Variants in UNC13C observed in about 807,000 individuals in gnomAD.
UNC13C encodes the protein unc-13 homolog C, also known as protein unc-13 homolog C.
A neutral mutation model predicts 245.4 loss-of-function variants in UNC13C; 174 were observed. That is an observed-to-expected ratio of 0.71 (90% CI 0.63 to 0.80). The LOEUF is 0.80. UNC13C is among the 30% of genes least tolerant of loss of function. UNC13C has a pLI of 0.00. For missense variants in UNC13C, 2,829 were observed against 2,602.9 expected (o/e 1.09, Z -1.89); for synonymous variants, 992 against 895.1 (o/e 1.11, Z -1.93).
chr15:54,070,726 A>C (rs930448105), intron 2 of UNC13C, among the ~76,000 whole-genome samples: 5 of 152,162 alleles, frequency 3.3e-5, no homozygotes, highest in Non-Finnish European at 5.9e-5. Context: ...CCCGGAAGCT[A>C]CAGTTTCTCG....
chr15:53,873,040 G>A, the UNC13C span, among the ~76,000 whole-genome samples: 1 of 152,100 alleles, frequency 6.6e-6, no homozygotes, highest in African/African-American at 2.4e-5. Flanking sequence ...AGAGCTTCAG[G>A]ATGGGAAGAT....
rs1895437846 is a variant in UNC13C at position 54,012,780 on chromosome 15, C to G, written c.-124C>G. 1.3e-6 allele frequency: 1 copy of G among 752,222 alleles called. No homozygotes were observed. The highest frequency in any genetic ancestry group is 2.2e-6 in the Non-Finnish European group (1 of 459,166). 46.6% of individuals were successfully genotyped at this position (752,222 alleles called of 1,614,324 possible). On this transcript the variant is annotated 5_prime_UTR_variant, in exon 2 of 33. Coordinates refer to ENST00000260323, the MANE Select transcript of UNC13C (RefSeq NM_001080534.3). ...ACAATGTGGCAGAGCCATGCCTGCC[C>G]TTCCTGCTCTTTCCAGTGATTCACA...
chr15:54,370,076 T>G (rs1431543299), intron 17 of UNC13C, among the ~76,000 whole-genome samples: 1 of 152,176 alleles, frequency 6.6e-6, no homozygotes, highest in Non-Finnish European at 1.5e-5. Context: ...GTAGGACTGC[T>G]ATCGAGCCAA....
chr15:54,465,035 T>C (rs1892093202), intron 19 of UNC13C, among the ~76,000 whole-genome samples: 1 of 152,036 alleles, frequency 6.6e-6, no homozygotes, highest in South Asian at 2.1e-4. Flanking sequence ...ATAATACATA[T>C]CTGATGGCAG....
At chr15:54,507,647 G>A (rs529178880) in intron 23 of UNC13C, among the ~76,000 whole-genome samples, 1 of 151,994 alleles carries the variant, frequency 6.6e-6, no homozygotes, top group African/African-American at 2.4e-5. Flanking sequence ...TATTAAAATA[G>A]CTTTTTTAGA....
At chr15:54,622,986 T>A (rs1257440991) in intron 31 of UNC13C, among the ~76,000 whole-genome samples, 1 of 152,218 alleles carries the variant, frequency 6.6e-6, no homozygotes, top group Non-Finnish European at 1.5e-5. Flanking sequence ...TTACATTACA[T>A]ATTGTATCTT....
At chr15:54,033,676 T>A (rs1896458843) in intron 2 of UNC13C, among the ~76,000 whole-genome samples, 1 of 152,202 alleles carries the variant, frequency 6.6e-6, no homozygotes, top group South Asian at 2.1e-4. Context: ...CCTCTTGTTT[T>A]GCAGATGAGA....
At chr15:54,262,649 A>G (rs959564383) in intron 8 of UNC13C, among the ~76,000 whole-genome samples, 1 of 152,086 alleles carries the variant, frequency 6.6e-6, no homozygotes, top group African/African-American at 2.4e-5. Flanking sequence ...GTCCTTTTAA[A>G]TCATCTTTAG....
intron 4 of UNC13C, among the ~76,000 whole-genome samples, chr15:54,182,340 C>T (rs1392091604): frequency 6.6e-6 from 1 of 151,918 alleles, no homozygotes; most frequent in Non-Finnish European, 1.5e-5. Context: ...TCACATTTAT[C>T]GATATGTGTA....
At chr15:54,364,382 G>C (rs560205063) in intron 17 of UNC13C, among the ~76,000 whole-genome samples, 61 of 152,198 alleles carry the variant, frequency 4.0e-4, no homozygotes, top group Non-Finnish European at 7.1e-4. Context: ...TACACTCAGA[G>C]CTGCTATGAG....
chr15:54,188,008 G>A (rs1398748553), intron 4 of UNC13C, among the ~76,000 whole-genome samples: 3 of 152,016 alleles, frequency 2.0e-5, no homozygotes, highest in Non-Finnish European at 4.4e-5. Flanking sequence ...TGTAGAGATG[G>A]AGTTTCATCA....
intron 8 of UNC13C, among the ~76,000 whole-genome samples, chr15:54,255,202 C>A (rs959111117): frequency 6.6e-6 from 1 of 152,150 alleles, no homozygotes. Context: ...CTCAATTAGA[C>A]CCCTCCCTTA....
chr15:54,088,851 T>C (rs1899399924), intron 2 of UNC13C, among the ~76,000 whole-genome samples: 1 of 152,238 alleles, frequency 6.6e-6, no homozygotes, highest in Admixed American at 6.5e-5. Flanking sequence ...CTTCCAGTGA[T>C]GCAGGATGTA....
chr15:54,425,353 A>C (rs2040738651), intron 19 of UNC13C, among the ~76,000 whole-genome samples: 1 of 151,820 alleles, frequency 6.6e-6, no homozygotes. Context: ...TTCTACAATG[A>C]AGGGAGGCAA....
At chr15:54,513,044 T>C (rs1282426974) in intron 24 of UNC13C, among the ~76,000 whole-genome samples, 1 of 152,202 alleles carries the variant, frequency 6.6e-6, no homozygotes, top group Non-Finnish European at 1.5e-5. Flanking sequence ...TTGTATAAAA[T>C]AAGGCCTCAT....
intron 4 of UNC13C, among the ~76,000 whole-genome samples, chr15:54,172,289 C>T (rs563668270): frequency 1.2e-4 from 19 of 152,064 alleles, no homozygotes; most frequent in African/African-American, 4.3e-4. Context: ...AGCATACATT[C>T]TTCAGGTGAA....
At chr15:54,509,711 C>A (rs1894649931) in intron 23 of UNC13C, among the ~76,000 whole-genome samples, 1 of 152,104 alleles carries the variant, frequency 6.6e-6, no homozygotes, top group Non-Finnish European at 1.5e-5. Flanking sequence ...TGAAGTTGTT[C>A]TTTTTTTCAT....
intron 2 of UNC13C, among the ~76,000 whole-genome samples, chr15:54,066,488 T>G (rs1276370498): frequency 1.3e-5 from 2 of 152,154 alleles, no homozygotes; most frequent in East Asian, 3.8e-4. Context: ...ATATCATCTG[T>G]GCACTTATGT....
At chr15:53,996,219 T>G (rs1894626365) in intron 1 of UNC13C, among the ~76,000 whole-genome samples, 1 of 152,188 alleles carries the variant, frequency 6.6e-6, no homozygotes, top group Non-Finnish European at 1.5e-5. Context: ...AACACGTATC[T>G]TTTTGAATAC....
Sources: allele counts gnomAD v4.1 joint callset (sites outside exome capture counted in the v4.1 genomes callset), GRCh38; gene constraint gnomAD v4.1.1; transcripts MANE v1.5; gene names NCBI Gene and HGNC (gene_info 2026-07-23, HGNC 2026-07-21).